Variants in IPO11 observed in about 807,000 individuals in gnomAD.
IPO11 encodes the protein importin 11, also known as importin-11.
IPO11 carries 66 observed loss-of-function variants against 143.2 expected under a neutral mutation model. The observed-to-expected ratio is 0.46, with a 90% CI of 0.38 to 0.57. The LOEUF is 0.57. Ranked by LOEUF, IPO11 falls within the 20% of genes least tolerant of loss-of-function variation. The probability of loss-of-function intolerance (pLI) is 0.00; values close to 1 mark genes in which losing one functional copy is unlikely to be tolerated. For missense variants in IPO11, 1,026 were observed against 1,141.0 expected, an observed-to-expected ratio of 0.90 and a Z score of 1.45; for synonymous variants, 385 against 377.8, an observed-to-expected ratio of 1.02 and a Z score of -0.22.
At chr5:62,466,750 G>C (rs1433139540) in intron 5 of IPO11, among the ~76,000 whole-genome samples, 2 of 152,154 alleles carry the variant, frequency 1.3e-5, no homozygotes, top group Non-Finnish European at 2.9e-5. Flanking sequence ...TTCATATATT[G>C]ATTTATCTGA....
intron 15 of IPO11, among the ~76,000 whole-genome samples, chr5:62,491,358 T>TA (rs1746601649): frequency 6.6e-6 from 1 of 152,154 alleles, no homozygotes; most frequent in African/African-American, 2.4e-5. Context: ...TTAAATAAAA[T>TA]AGACTCTGAC....
At chr5:62,477,738 A>G (rs1433641437) in intron 9 of IPO11, among the ~76,000 whole-genome samples, 1 of 152,220 alleles carries the variant, frequency 6.6e-6, no homozygotes, top group Non-Finnish European at 1.5e-5. Context: ...TTTAAAAAGC[A>G]TTATTTAGAT....
intron 1 of IPO11, among the ~76,000 whole-genome samples, chr5:62,429,143 G>A (rs921637270): frequency 2.0e-5 from 3 of 152,052 alleles, no homozygotes; most frequent in South Asian, 2.1e-4. Context: ...CATTTTCATC[G>A]TTCCAAATAG....
intron 29 of IPO11, among the ~76,000 whole-genome samples, chr5:62,610,436 T>C (rs1247429199): frequency 1.3e-5 from 2 of 152,222 alleles, no homozygotes; most frequent in Non-Finnish European, 2.9e-5. Flanking sequence ...GCAATTTTAC[T>C]ATTAATTTTT....
In IPO11 at chr5:62,628,394, T is replaced by C. The variant is rs1016769403; in HGVS notation, c.*1076T>C. ...ATTGTAAGGAAACTTTAAAGCATTT[T>C]TTAGGAAATACTCAAAAGCAAGGTT... On this transcript the variant is annotated 3_prime_UTR_variant, in exon 30 of 30. Coordinates refer to ENST00000325324, the MANE Select transcript of IPO11 (RefSeq NM_016338.5). The C allele has an allele frequency of 5.9e-5, 9 of 152,644 alleles. No homozygotes were observed. The highest frequency in any genetic ancestry group is 1.3e-4 in the Non-Finnish European group (9 of 68,036). The allele number at this position is 152,644 out of a possible 1,614,324, so 9.5% of individuals were successfully genotyped here.
At chr5:62,442,807 T>C (rs903408387) in intron 2 of IPO11, among the ~76,000 whole-genome samples, 176 bp from the exon 3 acceptor site, 1 of 152,104 alleles carries the variant, frequency 6.6e-6, no homozygotes, top group East Asian at 1.9e-4. Flanking sequence ...GAGGTTGCAG[T>C]GAGCCGAAAT....
chr5:62,497,222 C>T (rs1312144916), intron 16 of IPO11, among the ~76,000 whole-genome samples: 1 of 151,838 alleles, frequency 6.6e-6, no homozygotes, highest in Non-Finnish European at 1.5e-5. Flanking sequence ...TTGGCTGCTC[C>T]GTAGAAAGAG....
At chr5:62,511,269 A>G (rs558707304) in intron 19 of IPO11, among the ~76,000 whole-genome samples, 5 of 152,202 alleles carry the variant, frequency 3.3e-5, no homozygotes, top group African/African-American at 9.6e-5. Context: ...TTACCAGTAG[A>G]TTGTGTTGTC....
At position 62,494,040 on chromosome 5, in the gene IPO11, G is replaced by A; in HGVS notation, c.1506G>A (p.Gln502=). The change falls in exon 16 of 30, where the codon CAG becomes CAA. Residue 502 remains glutamine (Q), a synonymous_variant. Coordinates refer to ENST00000325324, the MANE Select transcript of IPO11 (RefSeq NM_016338.5). ...LRRRVIWLIG[Q]WISVKFKSDL... ...GCAGGGTGATTTGGCTCATCGGTCAGTGGATTTCTGTGAAATTCAAGTCTG... is the reference window on the plus strand; with the variant it reads ...GCAGGGTGATTTGGCTCATCGGTCAATGGATTTCTGTGAAATTCAAGTCTG... 1 of 1,613,416 alleles carries A rather than the reference G, an allele frequency of 6.2e-7. No homozygotes were observed. Among genetic ancestry groups the A allele is most frequent in the Non-Finnish European group, 8.5e-7 (1 of 1,179,600 alleles).
Position 62,486,373 on chromosome 5 carries a change from ATGTT to A in IPO11, c.1218+915_1218+918del, listed in dbSNP as rs756353820. Among the ~76,000 whole-genome samples the A allele has an allele frequency of 5.3e-4, 81 of 152,264 alleles. 3 individuals are homozygous for A. Among genetic ancestry groups the A allele is most frequent in the Non-Finnish European group, 5.4e-4 (37 of 68,014 alleles). ...ATAATTGTCATTACACAAATAGAAA[ATGTT>A]TGTCAAACTGAAAGCTGCCATTCTT... On this transcript the variant is annotated intron_variant, in intron 12 of 29. Coordinates refer to ENST00000325324, the MANE Select transcript of IPO11 (RefSeq NM_016338.5).
intron 8 of IPO11, among the ~76,000 whole-genome samples, chr5:62,476,127 C>T (rs1344989345): frequency 1.3e-5 from 2 of 152,300 alleles, no homozygotes; most frequent in East Asian, 1.9e-4. Context: ...AGTCATTTTT[C>T]TCTGGCCATC....
At chr5:62,519,471 C>G (rs927426221) in intron 20 of IPO11, among the ~76,000 whole-genome samples, 2 of 152,144 alleles carry the variant, frequency 1.3e-5, no homozygotes, top group Non-Finnish European at 2.9e-5. Context: ...TTCTTGACTT[C>G]CCTGCATAGA....
chr5:62,465,768 T>TA (rs1328802472), intron 5 of IPO11, among the ~76,000 whole-genome samples: 1 of 152,244 alleles, frequency 6.6e-6, no homozygotes, highest in Non-Finnish European at 1.5e-5. Context: ...TTTGTAAAGA[T>TA]ACAGTGAACC....
At chr5:62,531,709 T>G (rs1451915985) in intron 22 of IPO11, among the ~76,000 whole-genome samples, 1 of 152,220 alleles carries the variant, frequency 6.6e-6, no homozygotes, top group Non-Finnish European at 1.5e-5. Flanking sequence ...TTGTAACTGA[T>G]TAAAAAATCA....
chr5:62,430,720 G>C (rs247242), intron 1 of IPO11, among the ~76,000 whole-genome samples: 81,943 of 148,662 alleles, frequency 0.55, 22,677 homozygotes, highest in East Asian at 0.66. Flanking sequence ...GTTCTGTCGC[G>C]AGGCTGGAGT....
chr5:62,451,819 G>T lies in IPO11; in HGVS notation c.402G>T (p.Glu134Asp). The change falls in exon 5 of 30, where the codon GAG becomes GAT. Residue 134 changes from glutamate to aspartate, a missense_variant. Glu to Asp is a conservative substitution (Grantham distance 45, BLOSUM62 2). Transcript: ENST00000325324. ...QWPELIPTLI[E>D]SVKVQDDLRQ... ...CTGAACTAATTCCCACTCTTATAGA[G>T]TCTGTTAAAGTCCAGGATGATCTTC... The T allele has an allele frequency of 6.2e-7, 1 of 1,613,958 alleles. No homozygotes were observed. The highest frequency in any genetic ancestry group is 2.2e-5 in the East Asian group (1 of 44,882).
chr5:62,508,514 T>G (rs886629786), intron 19 of IPO11, among the ~76,000 whole-genome samples: 1 of 151,964 alleles, frequency 6.6e-6, no homozygotes. Flanking sequence ...TTTCTTCTTC[T>G]TCTTCTTTCT....
At chr5:62,595,372 A>G (rs1213830777) in intron 28 of IPO11, among the ~76,000 whole-genome samples, 1 of 152,218 alleles carries the variant, frequency 6.6e-6, no homozygotes, top group Non-Finnish European at 1.5e-5. Flanking sequence ...AGGTGTTTAC[A>G]GTTTGGGTGA....
chr5:62,413,765 T>C (rs1029678194), intron 1 of IPO11, among the ~76,000 whole-genome samples: 1 of 152,218 alleles, frequency 6.6e-6, no homozygotes, highest in Non-Finnish European at 1.5e-5. Flanking sequence ...ATAATGCTTT[T>C]CCCCCTCCTG....
Sources: gnomAD v4.1 joint callset for allele counts (sites outside exome capture counted in the v4.1 genomes callset) on GRCh38, gnomAD v4.1.1 for gene constraint, MANE v1.5 for transcripts, NCBI Gene and HGNC (gene_info 2026-07-23, HGNC 2026-07-21) for gene names.